EME2: variants seen among roughly 807,000 people sequenced by gnomAD.
The protein encoded by EME2 is essential meiotic structure-specific endonuclease subunit 2, also known as structure-specific endonuclease subunit EME2.
A neutral mutation model predicts 41.9 loss-of-function variants in EME2; 58 were observed. The ratio of observed to expected loss-of-function variants is 1.38; its 90% CI spans 1.12 to 1.72. The LOEUF (loss-of-function observed/expected upper bound fraction) is 1.72. Among genes scored for constraint, EME2 ranks in the 40% most tolerant of loss-of-function variants. The pLI is 0.00. For synonymous variants in EME2, 334 were observed against 239.3 expected (o/e 1.40, Z -3.65); for missense variants, 695 against 541.9 (o/e 1.28, Z -2.81).
At chr16:1,774,234 A>C (rs2141981583) in intron 2 of EME2, 26 bp from the exon 3 acceptor site, 1 of 1,603,658 alleles carries the variant, frequency 6.2e-7, no homozygotes, top group Non-Finnish European at 8.5e-7. Context: ...TGAGACAGGC[A>C]GCAGCGCGTC....
Position 1,776,627 on chromosome 16 carries a change from T to C in EME2, c.*389T>C, listed in dbSNP as rs1028531257. 1 of 290,168 alleles carries C rather than the reference T, an allele frequency of 3.4e-6. No homozygotes were observed. Among genetic ancestry groups the C allele is most frequent in the Non-Finnish European group, 6.5e-6 (1 of 154,096 alleles). The allele number at this position is 290,168 out of a possible 1,614,324, so 18.0% of individuals were successfully genotyped here. A position where few individuals can be genotyped will look rare whatever the true frequency, so the allele number is the denominator to read the frequency against. On this transcript the variant is annotated 3_prime_UTR_variant, in exon 8 of 8. Transcript: ENST00000568449. ...AGAAGCAGTAGGGGACTCCCAAGGA[T>C]GTGGAGGGGCAGTGAGGCCTGGGAG...
chr16:1,773,766 G>A lies in EME2; in HGVS notation c.309G>A (p.Glu103=), dbSNP rs374315507. 2.1e-5 allele frequency: 32 copies of A among 1,551,034 alleles called. No homozygotes were observed. The highest frequency in any genetic ancestry group is 2.6e-5 in the Non-Finnish European group (30 of 1,148,700). ...LMEALEALGC[E]CRIEPQRPAR... is the part of the protein sequence containing the mutation. ...AGGCCCTGGAGGCCCTGGGCTGCGA[G>A]TGCCGCATCGAGCCCCAGCGCCCGG... The change falls in exon 2 of 8, where the codon GAG becomes GAA. Residue 103 remains glutamate, a synonymous_variant. Transcript: ENST00000568449.
Position 1,773,210 on chromosome 16 carries a change from GA to G in EME2, c.-16del. On this transcript the variant is annotated 5_prime_UTR_variant, in exon 1 of 8. Transcript: ENST00000568449. ...GTGTTCGGTCGCGGCCGGAAGCGAG[GA>G]AGAGGTCGGTCCGGCCATGGCGCGG... 2 of 1,442,948 alleles carry G rather than the reference GA, an allele frequency of 1.4e-6. No homozygotes were observed. The highest frequency in any genetic ancestry group is 1.5e-5 in the South Asian group (1 of 68,010). 89.4% of individuals were successfully genotyped at this position (1,442,948 alleles called of 1,614,324 possible). A position where few individuals can be genotyped will look rare whatever the true frequency, so the allele number is the denominator to read the frequency against.
chr16:1,773,783 A>G lies in EME2; in HGVS notation c.326A>G (p.Gln109Arg). The G allele has an allele frequency of 6.4e-7, 1 of 1,552,822 alleles. No individual in the cohort carries two copies. The change falls in exon 2 of 8, where the codon CAG (glutamine) becomes CGG (arginine). Residue 109 changes from glutamine (Q) to arginine (R), a missense_variant. Coordinates refer to ENST00000568449, the MANE Select transcript of EME2 (RefSeq NM_001257370.2). ...GGCTGCGAGTGCCGCATCGAGCCCC[A>G]GCGCCCGGCCCGCAGCCTGCGGTGG... ...ALGCECRIEP[Q>R]RPARSLRWTR...
At position 1,773,326 on chromosome 16, in the gene EME2, C is replaced by A; in HGVS notation, c.99C>A (p.Ile33=). The change falls in exon 1 of 8, where the codon ATC becomes ATA. Residue 33 remains isoleucine, a synonymous_variant. Transcript: ENST00000568449. ...SGQRRPPTWE[I]SDSDAEDSAG... is the part of the protein sequence containing the mutation. Reference sequence around the variant, plus strand: ...AGCGGCGACCTCCAACCTGGGAGATCTCAGACTCCGACGCTGAGGACTCCG... The same window carrying A: ...AGCGGCGACCTCCAACCTGGGAGATATCAGACTCCGACGCTGAGGACTCCG... 6.6e-7 allele frequency: 1 copy of A among 1,512,066 alleles called. No homozygotes were observed. Among genetic ancestry groups the A allele is most frequent in the African/African-American group, 1.4e-5 (1 of 69,638 alleles). The allele number at this position is 1,512,066 out of a possible 1,614,324, so 93.7% of individuals were successfully genotyped here. A position where few individuals can be genotyped will look rare whatever the true frequency, so the allele number is the denominator to read the frequency against.
rs761065 is a variant in EME2, at chr16:1,773,443, C to A, written c.216C>A (p.Val72=). The A allele has an allele frequency of 1.2e-4, 193 of 1,571,258 alleles. No homozygotes were observed. Among genetic ancestry groups the A allele is most frequent in the Non-Finnish European group, 1.6e-4 (188 of 1,168,052 alleles). ...TGCGGCTGCTGCGGCCGGAGCAGGTCCTGAAGCGCCTCGCGGTGTGCGTGG... is the reference window on the plus strand; with the variant it reads ...TGCGGCTGCTGCGGCCGGAGCAGGTACTGAAGCGCCTCGCGGTGTGCGTGG... ...EALRLLRPEQ[V]LKRLAVCVDT... is the part of the protein sequence containing the mutation. The change falls in exon 1 of 8, where the codon GTC becomes GTA. Residue 72 remains valine (V), a synonymous_variant. Transcript: ENST00000568449.
chr16:1,780,853 C>G lies in EME2; in HGVS notation c.*4615C>G. On this transcript the variant is annotated 3_prime_UTR_variant, in exon 8 of 8. Coordinates refer to ENST00000568449, the MANE Select transcript of EME2 (RefSeq NM_001257370.2). The stretch of plus-strand genomic sequence containing the variant: ...GCTCAAGCAATCCTCCCAGCTCAGC[C>G]TCCTGAGTCGTTGGGACTACAGGCA... 1 of 311,442 alleles carries G rather than the reference C, an allele frequency of 3.2e-6. No homozygotes were observed. Among genetic ancestry groups the G allele is most frequent in the South Asian group, 2.7e-5 (1 of 37,228 alleles). 19.3% of individuals were successfully genotyped at this position (311,442 alleles called of 1,614,324 possible).
In EME2 at chr16:1,776,380, G is replaced by C; in HGVS notation, c.*142G>C. 1.4e-6 allele frequency: 1 copy of C among 724,560 alleles called. No homozygotes were observed. Among genetic ancestry groups the C allele is most frequent in the Non-Finnish European group, 2.2e-6 (1 of 446,196 alleles). 44.9% of individuals were successfully genotyped at this position (724,560 alleles called of 1,614,324 possible). On this transcript the variant is annotated 3_prime_UTR_variant, in exon 8 of 8. Transcript: ENST00000568449. ...GAGCAGGTCTGACCTCAGGGGAAGGGTGGGTGGTTGCAGGGGAAGTTTTAG... is the reference window on the plus strand; with the variant it reads ...GAGCAGGTCTGACCTCAGGGGAAGGCTGGGTGGTTGCAGGGGAAGTTTTAG...
In EME2 at chr16:1,776,377, A is replaced by G; in HGVS notation, c.*139A>G. The G allele has an allele frequency of 1.7e-6, 1 of 585,208 alleles. No individual in the cohort carries two copies. Among genetic ancestry groups the G allele is most frequent in the Non-Finnish European group, 3.0e-6 (1 of 337,214 alleles). 36.3% of individuals were successfully genotyped at this position (585,208 alleles called of 1,614,324 possible). ...GCTGAGCAGGTCTGACCTCAGGGGAAGGGTGGGTGGTTGCAGGGGAAGTTT... is the reference window on the plus strand; with the variant it reads ...GCTGAGCAGGTCTGACCTCAGGGGAGGGGTGGGTGGTTGCAGGGGAAGTTT... On this transcript the variant is annotated 3_prime_UTR_variant, in exon 8 of 8. Coordinates refer to ENST00000568449, the MANE Select transcript of EME2 (RefSeq NM_001257370.2).
chr16:1,780,403 A>T lies in EME2; in HGVS notation c.*4165A>T, dbSNP rs1240673729. ...CCTCACTGCGCCCGTCAGGCCAGGC[A>T]GCTGCCCTCAGGGTCTGCCAAGGTG... On this transcript the variant is annotated 3_prime_UTR_variant, in exon 8 of 8. Coordinates refer to ENST00000568449, the MANE Select transcript of EME2 (RefSeq NM_001257370.2). 3.3e-5 allele frequency: 5 copies of T among 152,316 alleles called. No individual in the cohort carries two copies. Among genetic ancestry groups the T allele is most frequent in the African/African-American group, 1.2e-4 (5 of 41,452 alleles). The allele number at this position is 152,316 out of a possible 1,614,324, so 9.4% of individuals were successfully genotyped here.
Position 1,777,871 on chromosome 16 carries a change from G to A in EME2, c.*1633G>A, listed in dbSNP as rs2141987050. ...TCTTGTCGCCCTTGTGGTGGAGGAG[G>A]CCTGGGGGCAGCCAGGGTCGCAGTG... On this transcript the variant is annotated 3_prime_UTR_variant, in exon 8 of 8. Transcript: ENST00000568449. 2.5e-6 allele frequency: 4 copies of A among 1,612,338 alleles called. No homozygotes were observed. The highest frequency in any genetic ancestry group is 4.5e-5 in the East Asian group (2 of 44,880).
Position 1,781,058 on chromosome 16 carries a change from G to T in EME2, c.*4820G>T. 2 of 941,156 alleles carry T rather than the reference G, an allele frequency of 2.1e-6. No individual in the cohort carries two copies. The highest frequency in any genetic ancestry group is 1.6e-5 in the South Asian group (1 of 61,678). The allele number at this position is 941,156 out of a possible 1,614,324, so 58.3% of individuals were successfully genotyped here. ...CCGTAGTGGAGAATTTCTGTTGAAT[G>T]AACCAAAAGCAACTGCCAACCTCTC... On this transcript the variant is annotated 3_prime_UTR_variant, in exon 8 of 8. Coordinates refer to ENST00000568449, the MANE Select transcript of EME2 (RefSeq NM_001257370.2).
At position 1,773,733 on chromosome 16, in the gene EME2, C is replaced by T. The variant is rs948735777; in HGVS notation, c.276C>T (p.Val92=). 7 of 1,549,058 alleles carry T rather than the reference C, an allele frequency of 4.5e-6. No homozygotes were observed. The Admixed American group carries it at 7.8e-5, about 17-fold the overall frequency. ...TAILEDAGAD[V]LMEALEALGC... is the part of the protein sequence containing the mutation. ...TCCTGGAAGACGCCGGTGCCGACGT[C>T]CTGATGGAGGCCCTGGAGGCCCTGG... Residue 92 remains valine (V), a synonymous_variant, in exon 2 of 8, where the codon GTC becomes GTT. Transcript: ENST00000568449.
Position 1,772,856 on chromosome 16 carries a change from C to T in EME2, c.-372C>T. ...GGCGCCAGTAGCACGGCTCGTCGTGCTGCCACAGCCAGGACTTGCGCGTGA... is the reference window on the plus strand; with the variant it reads ...GGCGCCAGTAGCACGGCTCGTCGTGTTGCCACAGCCAGGACTTGCGCGTGA... On this transcript the variant is annotated 5_prime_UTR_variant, in exon 1 of 8. Coordinates refer to ENST00000568449, the MANE Select transcript of EME2 (RefSeq NM_001257370.2). The T allele has an allele frequency of 1.4e-6, 2 of 1,444,400 alleles. No individual in the cohort carries two copies. Among genetic ancestry groups the T allele is most frequent in the Non-Finnish European group, 9.1e-7 (1 of 1,103,804 alleles). The allele number at this position is 1,444,400 out of a possible 1,614,324, so 89.5% of individuals were successfully genotyped here. A position where few individuals can be genotyped will look rare whatever the true frequency, so the allele number is the denominator to read the frequency against.
rs766492010 is a variant in EME2, at chr16:1,781,364, A to G, written c.*5126A>G. The G allele has an allele frequency of 1.6e-5, 26 of 1,612,530 alleles. No homozygotes were observed. The Admixed American group carries it at 3.7e-4, about 23-fold the overall frequency. ...CTCGCCCGCTGGAACCTACCTGCCC[A>G]TCAGAGTCGTAGCCCCAGTTAGTGG... On this transcript the variant is annotated 3_prime_UTR_variant, in exon 8 of 8. Coordinates refer to ENST00000568449, the MANE Select transcript of EME2 (RefSeq NM_001257370.2).
intron 2 of EME2, 90 bp downstream of exon 2, chr16:1,773,931 C>T (rs1342293698): frequency 4.9e-6 from 7 of 1,419,284 alleles, no homozygotes; most frequent in Admixed American, 5.3e-5. Flanking sequence ...GAGGCAGCTG[C>T]CCTGGGCCGT....
chr16:1,781,168 C>T lies in EME2; in HGVS notation c.*4930C>T, dbSNP rs1320300562. 7.2e-6 allele frequency: 11 copies of T among 1,532,560 alleles called. No individual in the cohort carries two copies. Among genetic ancestry groups the T allele is most frequent in the South Asian group, 4.8e-5 (4 of 83,494 alleles). 94.9% of individuals were successfully genotyped at this position (1,532,560 alleles called of 1,614,324 possible). ...CTGTCACCCCTGAGGCTGTGTGTGT[C>T]CTTTGCCAAATTAAAGAGTCTTACT... is the stretch of plus-strand genomic sequence containing the variant. On this transcript the variant is annotated 3_prime_UTR_variant, in exon 8 of 8. Coordinates refer to ENST00000568449, the MANE Select transcript of EME2 (RefSeq NM_001257370.2).
chr16:1,773,751 G>C lies in EME2; in HGVS notation c.294G>C (p.Glu98Asp). Residue 98 changes from glutamate (E) to aspartate (D), a missense_variant, in exon 2 of 8, where the codon GAG becomes GAC. Transcript: ENST00000568449. ...AGADVLMEAL[E>D]ALGCECRIEP... The stretch of plus-strand genomic sequence containing the variant: ...CCGACGTCCTGATGGAGGCCCTGGA[G>C]GCCCTGGGCTGCGAGTGCCGCATCG... 6.5e-7 allele frequency: 1 copy of C among 1,549,852 alleles called. No individual in the cohort carries two copies. Among genetic ancestry groups the C allele is most frequent in the Non-Finnish European group, 8.7e-7 (1 of 1,147,778 alleles).
In EME2 at chr16:1,778,507, C is replaced by T. The variant is rs142760336; in HGVS notation, c.*2269C>T. On this transcript the variant is annotated 3_prime_UTR_variant, in exon 8 of 8. Transcript: ENST00000568449. Reference sequence around the variant, plus strand: ...TGCAGGCTGCTACAGAAGGAGGCCTCGCTCTGCCCAGCACAGTCACAGAAG... The same window carrying T: ...TGCAGGCTGCTACAGAAGGAGGCCTTGCTCTGCCCAGCACAGTCACAGAAG... 164 of 1,612,114 alleles carry T rather than the reference C, an allele frequency of 1.0e-4. 1 individual carries two copies. In the South Asian group the frequency reaches 1.2e-3, roughly 12 times the overall value.
Sources: allele counts gnomAD v4.1 joint callset, GRCh38; gene constraint gnomAD v4.1.1; transcripts MANE v1.5; gene names NCBI Gene and HGNC (gene_info 2026-07-23, HGNC 2026-07-21).